Variants in SRPK1 observed in about 807,000 individuals in gnomAD.
SRPK1 encodes the protein SRSF protein kinase 1, also known as SFRS protein kinase 1.
SRPK1 carries 52 observed loss-of-function variants against 89.5 expected under a neutral mutation model. That is an observed-to-expected ratio of 0.58 (90% CI 0.46 to 0.73). The LOEUF is 0.73. SRPK1 is among the 30% of genes least tolerant of loss of function. SRPK1 has a pLI of 0.00. For synonymous variants in SRPK1, 255 were observed against 270.2 expected, an observed-to-expected ratio of 0.94 and a Z score of 0.55; for missense variants, 603 against 780.6, an observed-to-expected ratio of 0.77 and a Z score of 2.71.
intron 2 of SRPK1, among the ~76,000 whole-genome samples, chr6:35,906,310 C>T (rs563868348): frequency 6.6e-6 from 1 of 152,244 alleles, no homozygotes; most frequent in Admixed American, 6.5e-5. Flanking sequence ...CTGCAACCTC[C>T]ACCTCCCAGG....
At chr6:35,842,962 G>C (rs1769344281) in intron 13 of SRPK1, among the ~76,000 whole-genome samples, 1 of 150,750 alleles carries the variant, frequency 6.6e-6, no homozygotes, top group Admixed American at 6.6e-5. Context: ...TTCATGAGAA[G>C]AACAGGTCTT....
chr6:35,888,800 A>G lies in SRPK1; in HGVS notation c.302+15T>C. 6.6e-7 allele frequency: 1 copy of G among 1,522,504 alleles called. No individual in the cohort carries two copies. Among genetic ancestry groups the G allele is most frequent in the South Asian group, 1.1e-5 (1 of 89,030 alleles). 94.3% of individuals were successfully genotyped at this position (1,522,504 alleles called of 1,614,324 possible). A position where few individuals can be genotyped will look rare whatever the true frequency, so the allele number is the denominator to read the frequency against. ...ATCATCTAACTAATTCTTTTACAGA[A>G]CCACTAAAACTTACTGAATATCCCA... On this transcript the variant is annotated intron_variant, in intron 4 of 15. Coordinates refer to ENST00000373825, the MANE Select transcript of SRPK1 (RefSeq NM_003137.5).
At chr6:35,902,448 CA>C (rs1015685427) in intron 2 of SRPK1, among the ~76,000 whole-genome samples, 4 of 150,962 alleles carry the variant, frequency 2.6e-5, no homozygotes, top group East Asian at 1.9e-4. Context: ...AATAAAAATC[CA>C]AAAAAAAGTC....
rs762272974 is a variant in SRPK1, at chr6:35,842,613, A to C, written c.1621-9T>G. 4 of 1,602,368 alleles carry C rather than the reference A, an allele frequency of 2.5e-6. 1 individual carries two copies. The Admixed American group carries it at 6.9e-5, about 28-fold the overall frequency. On this transcript the variant is annotated splice_polypyrimidine_tract_variant and intron_variant, in intron 13 of 15. Coordinates refer to ENST00000373825, the MANE Select transcript of SRPK1 (RefSeq NM_003137.5). ...GTGGCCAGTTCAAAGGCCTAAAAAA[A>C]AAAGAGGACAGTATATGAAAGCACA...
chr6:35,886,445 G>A (rs899985764), intron 6 of SRPK1, among the ~76,000 whole-genome samples: 7 of 152,038 alleles, frequency 4.6e-5, no homozygotes, highest in Non-Finnish European at 1.0e-4. Context: ...AAAAATCATA[G>A]ACTCTTTACT....
intron 1 of SRPK1, 174 bp downstream of exon 1, chr6:35,920,869 GA>G (rs1263240046): frequency 1.6e-6 from 1 of 631,420 alleles, no homozygotes; most frequent in Admixed American, 4.2e-5. Flanking sequence ...CGCCCGGACT[GA>G]GGGGCGCGGA....
intron 6 of SRPK1, 122 bp downstream of exon 6, chr6:35,886,602 A>G: frequency 2.9e-6 from 2 of 687,448 alleles, no homozygotes; most frequent in South Asian, 3.2e-5. Flanking sequence ...AGTGTACAAT[A>G]AAAGAGGTAA....
At chr6:35,916,149 A>C (rs1158692702) in intron 2 of SRPK1, among the ~76,000 whole-genome samples, 1 of 151,512 alleles carries the variant, frequency 6.6e-6, no homozygotes, top group Non-Finnish European at 1.5e-5. Flanking sequence ...GCTTGAACCC[A>C]GGAGGCTGAG....
chr6:35,863,018 G>A (rs1434074650), intron 12 of SRPK1, among the ~76,000 whole-genome samples: 4 of 151,862 alleles, frequency 2.6e-5, no homozygotes, highest in Non-Finnish European at 5.9e-5. Context: ...GGGTGTGTTG[G>A]CATGCACCTG....
At chr6:35,895,230 T>C (rs1280534784) in intron 2 of SRPK1, among the ~76,000 whole-genome samples, 1 of 152,204 alleles carries the variant, frequency 6.6e-6, no homozygotes, top group Admixed American at 6.5e-5. Flanking sequence ...GATTATTGAT[T>C]TTCTACTTCA....
chr6:35,886,686 G>T, intron 6 of SRPK1, 38 bp downstream of exon 6: 1 of 1,249,320 alleles, frequency 8.0e-7, no homozygotes, highest in Non-Finnish European at 1.2e-6. Flanking sequence ...CTTTGGGATT[G>T]GGATGATTTA....
intron 13 of SRPK1, among the ~76,000 whole-genome samples, chr6:35,854,675 GC>G (rs1162159795): frequency 6.6e-6 from 1 of 151,900 alleles, no homozygotes; most frequent in Admixed American, 6.6e-5. Context: ...TAAATATCAA[GC>G]AGGATCTACT....
intron 2 of SRPK1, among the ~76,000 whole-genome samples, chr6:35,904,491 T>C (rs1770807263): frequency 6.6e-6 from 1 of 152,126 alleles, no homozygotes; most frequent in Admixed American, 6.5e-5. Context: ...TAAACAAAAG[T>C]ATACAATGGT....
intron 6 of SRPK1, among the ~76,000 whole-genome samples, chr6:35,879,763 T>A (rs966190742): frequency 6.6e-6 from 1 of 152,054 alleles, no homozygotes; most frequent in African/African-American, 2.4e-5. Context: ...GAAAAAGACT[T>A]TAAAACAAAT....
chr6:35,913,352 A>C (rs1486685207), intron 2 of SRPK1, among the ~76,000 whole-genome samples: 3 of 152,230 alleles, frequency 2.0e-5, no homozygotes, highest in Non-Finnish European at 4.4e-5. Context: ...TGCAAATTTT[A>C]AAAAAGATAT....
At chr6:35,872,758 A>C in intron 7 of SRPK1, 30 bp from the exon 8 acceptor site, 1 of 1,560,558 alleles carries the variant, frequency 6.4e-7, no homozygotes, top group Non-Finnish European at 8.6e-7. Context: ...CAGACTTGCA[A>C]ACACAAAATA....
At chr6:35,906,841 C>T (rs1054932502) in intron 2 of SRPK1, among the ~76,000 whole-genome samples, 1 of 151,830 alleles carries the variant, frequency 6.6e-6, no homozygotes, top group South Asian at 2.1e-4. Context: ...GAAAAAAAAA[C>T]CCACTCTAAT....
At chr6:35,872,942 T>C (rs1312798539) in intron 7 of SRPK1, among the ~76,000 whole-genome samples, 1 of 152,194 alleles carries the variant, frequency 6.6e-6, no homozygotes, top group Non-Finnish European at 1.5e-5. Flanking sequence ...AATTCTTCAA[T>C]GTTTTACAAA....
intron 12 of SRPK1, among the ~76,000 whole-genome samples, chr6:35,860,696 G>A (rs1769762886): frequency 6.6e-6 from 1 of 152,186 alleles, no homozygotes; most frequent in Non-Finnish European, 1.5e-5. Context: ...ACATTCTAGT[G>A]AGAGGCTTAT....
Sources: gnomAD v4.1 joint callset for allele counts (sites outside exome capture counted in the v4.1 genomes callset) on GRCh38, gnomAD v4.1.1 for gene constraint, MANE v1.5 for transcripts, NCBI Gene and HGNC (gene_info 2026-07-23, HGNC 2026-07-21) for gene names.